EEFSEC: variants seen among roughly 807,000 people sequenced by gnomAD.
EEFSEC encodes the protein selenocysteine-specific elongation factor.
In EEFSEC, 43 loss-of-function variants were observed where a neutral mutation model predicts 42.1. That is an observed-to-expected ratio of 1.02 (90% CI 0.80 to 1.32). The LOEUF is 1.32. EEFSEC is among the 40% of genes most tolerant of loss of function. The probability of loss-of-function intolerance (pLI) is 0.00; values close to 1 mark genes in which losing one functional copy is unlikely to be tolerated. For synonymous variants in EEFSEC, 354 were observed against 339.1 expected, an observed-to-expected ratio of 1.04 and a Z score of -0.48; for missense variants, 745 against 803.6, an observed-to-expected ratio of 0.93 and a Z score of 0.88.
At chr3:128,163,830 C>T (rs983442558) in intron 1 of EEFSEC, among the ~76,000 whole-genome samples, 3 of 151,890 alleles carry the variant, frequency 2.0e-5, no homozygotes, top group Admixed American at 2.0e-4. Flanking sequence ...TTTGCTTGGC[C>T]TCCTATGTTG....
chr3:128,319,913 G>A lies in EEFSEC; in HGVS notation c.787-21320G>A, dbSNP rs577078244. 5.3e-5 allele frequency among the ~76,000 whole-genome samples: 8 copies of A among 152,336 alleles called. No homozygotes were observed. The East Asian group carries it at 5.8e-4, about 11-fold the overall frequency. On this transcript the variant is annotated intron_variant, in intron 4 of 6. Transcript: ENST00000254730. ...CTCTGCAGACACGCTCAGTTCTGCC[G>A]CTGGCCCCTGGCGTGTGTACAGCAC...
intron 4 of EEFSEC, among the ~76,000 whole-genome samples, chr3:128,304,269 T>A (rs1380161292): frequency 2.0e-5 from 3 of 151,916 alleles, no homozygotes; most frequent in African/African-American, 7.2e-5. Flanking sequence ...ATAAAGAGAG[T>A]TTACATCATT....
At chr3:128,183,954 A>C (rs568768383) in intron 1 of EEFSEC, among the ~76,000 whole-genome samples, 2 of 152,162 alleles carry the variant, frequency 1.3e-5, no homozygotes, top group Non-Finnish European at 2.9e-5. Flanking sequence ...GAGAGGATAC[A>C]ATAGACCACC....
At chr3:128,384,218 C>A (rs2067811430) in intron 6 of EEFSEC, among the ~76,000 whole-genome samples, 1 of 152,198 alleles carries the variant, frequency 6.6e-6, no homozygotes, top group Non-Finnish European at 1.5e-5. Context: ...GTCCGTGGCT[C>A]TGCCCAGGAG....
chr3:128,331,557 C>T (rs566159183), intron 4 of EEFSEC, among the ~76,000 whole-genome samples: 1 of 151,658 alleles, frequency 6.6e-6, no homozygotes, highest in South Asian at 2.1e-4. Flanking sequence ...CTCCCCTTCT[C>T]CTCCATGCAT....
chr3:128,157,393 C>G (rs924085195), intron 1 of EEFSEC, among the ~76,000 whole-genome samples: 1 of 152,170 alleles, frequency 6.6e-6, no homozygotes, highest in African/African-American at 2.4e-5. Context: ...GGTGAGTACA[C>G]TAAACAGATT....
intron 6 of EEFSEC, among the ~76,000 whole-genome samples, chr3:128,375,202 C>T: frequency 6.6e-6 from 1 of 152,206 alleles, no homozygotes. Context: ...GTTTCTCTTC[C>T]TCTTCACAGG....
At chr3:128,188,928 C>T (rs1397513124) in intron 1 of EEFSEC, among the ~76,000 whole-genome samples, 3 of 152,232 alleles carry the variant, frequency 2.0e-5, no homozygotes, top group African/African-American at 7.2e-5. Context: ...GATGGTTCAG[C>T]ATGGACTGCC....
chr3:128,424,009 G>A, the EEFSEC span, among the ~76,000 whole-genome samples: 2 of 152,030 alleles, frequency 1.3e-5, no homozygotes, highest in African/African-American at 4.8e-5. Context: ...CTGGAGCTGC[G>A]GGAGACACAG....
At chr3:128,313,115 G>T (rs1215777357) in intron 4 of EEFSEC, among the ~76,000 whole-genome samples, 1 of 152,192 alleles carries the variant, frequency 6.6e-6, no homozygotes, top group Non-Finnish European at 1.5e-5. Context: ...GGATGTTGTA[G>T]AATCTGGGTA....
chr3:128,259,353 A>G (rs2066274654), intron 2 of EEFSEC, among the ~76,000 whole-genome samples: 1 of 152,264 alleles, frequency 6.6e-6, no homozygotes, highest in Non-Finnish European at 1.5e-5. Flanking sequence ...TCAATATTGT[A>G]TGGCTTACTT....
chr3:128,227,945 G>A (rs9830294), intron 1 of EEFSEC, among the ~76,000 whole-genome samples: 87,615 of 152,098 alleles, frequency 0.58, 27,963 homozygotes, highest in Non-Finnish European at 0.73. Context: ...TGGCACAGCC[G>A]CTTCAGTTGT....
chr3:128,346,991 C>T (rs972447406), intron 5 of EEFSEC, among the ~76,000 whole-genome samples: 2 of 152,126 alleles, frequency 1.3e-5, no homozygotes, highest in African/African-American at 4.8e-5. Context: ...GTTTTCCAAC[C>T]CCTAATATAA....
chr3:128,176,749 C>A (rs1461135418), intron 1 of EEFSEC, among the ~76,000 whole-genome samples: 10 of 152,104 alleles, frequency 6.6e-5, no homozygotes, highest in Non-Finnish European at 1.5e-4. Flanking sequence ...GGGTAGATTA[C>A]CTTCTCTGGG....
chr3:128,413,308 C>G (rs1400336763), downstream of EEFSEC, among the ~76,000 whole-genome samples: 1 of 152,152 alleles, frequency 6.6e-6, no homozygotes, highest in South Asian at 2.1e-4. Context: ...ATGAGGCCTC[C>G]TGGGTACAGG....
intron 1 of EEFSEC, among the ~76,000 whole-genome samples, chr3:128,192,554 A>G (rs775959684): frequency 1.7e-4 from 26 of 152,208 alleles, no homozygotes; most frequent in Non-Finnish European, 3.4e-4. Context: ...CCTGGACTTC[A>G]CAAACGTATT....
chr3:128,189,692 G>T (rs1399927306), intron 1 of EEFSEC, among the ~76,000 whole-genome samples: 1 of 151,582 alleles, frequency 6.6e-6, no homozygotes, highest in Non-Finnish European at 1.5e-5. Context: ...TGAGTAGCTG[G>T]GACTAAGGTC....
intron 4 of EEFSEC, among the ~76,000 whole-genome samples, chr3:128,311,571 G>A (rs1162705926): frequency 6.6e-6 from 1 of 152,250 alleles, no homozygotes; most frequent in Admixed American, 6.5e-5. Context: ...AGCCATGCAT[G>A]GGGAGCTTCA....
intron 6 of EEFSEC, among the ~76,000 whole-genome samples, chr3:128,370,177 G>A (rs948692985): frequency 2.0e-5 from 3 of 152,208 alleles, no homozygotes; most frequent in Admixed American, 2.0e-4. Context: ...TCATGACTGG[G>A]TTCAGGCTGT....
Sources: gnomAD v4.1 joint callset for allele counts (sites outside exome capture counted in the v4.1 genomes callset) on GRCh38, gnomAD v4.1.1 for gene constraint, MANE v1.5 for transcripts, NCBI Gene and HGNC (gene_info 2026-07-23, HGNC 2026-07-21) for gene names.